The following NEGR1 variants were observed in gnomAD, a reference collection of about 807,000 sequenced individuals.
The protein encoded by NEGR1 is IgLON family member 4.
A neutral mutation model predicts 40.9 loss-of-function variants in NEGR1; 10 were observed. That is an observed-to-expected ratio of 0.24 (90% CI 0.15 to 0.42). The LOEUF (loss-of-function observed/expected upper bound fraction) is 0.42, where lower values mean the gene tolerates loss of function less well. Among genes scored for constraint, NEGR1 ranks in the 10% least tolerant of loss-of-function variants. NEGR1 has a pLI of 1.00. For missense variants in NEGR1, 352 were observed against 438.9 expected (o/e 0.80, Z 1.77); for synonymous variants, 185 against 166.8 (o/e 1.11, Z -0.84).
At chr1:71,421,124 T>G (rs1444433114) in intron 6 of NEGR1, among the ~76,000 whole-genome samples, 1 of 152,058 alleles carries the variant, frequency 6.6e-6, no homozygotes. Context: ...AAATACGTAT[T>G]GATCAAATAT....
chr1:71,943,940 C>G (rs556157216), intron 1 of NEGR1, among the ~76,000 whole-genome samples: 2 of 152,092 alleles, frequency 1.3e-5, no homozygotes, highest in South Asian at 2.1e-4. Context: ...ATGTAAAAGT[C>G]CTAAAAAAGA....
intron 6 of NEGR1, among the ~76,000 whole-genome samples, chr1:71,462,415 T>C (rs892166803): frequency 6.6e-6 from 1 of 152,140 alleles, no homozygotes; most frequent in Non-Finnish European, 1.5e-5. Context: ...AATCAAGCAC[T>C]AATAGGTGTT....
At chr1:71,813,013 A>G (rs878921974) in intron 2 of NEGR1, among the ~76,000 whole-genome samples, 1 of 152,078 alleles carries the variant, frequency 6.6e-6, no homozygotes, top group African/African-American at 2.4e-5. Flanking sequence ...CTCCATGCCT[A>G]TGTCCCGAAT....
At chr1:71,701,170 T>C (rs1320897713) in intron 3 of NEGR1, among the ~76,000 whole-genome samples, 5 of 152,066 alleles carry the variant, frequency 3.3e-5, no homozygotes, top group Non-Finnish European at 5.9e-5. Flanking sequence ...AAGTTTGTGG[T>C]AATTGGTTAT....
intron 1 of NEGR1, among the ~76,000 whole-genome samples, chr1:71,942,359 C>G (rs1467657733): frequency 1.4e-5 from 2 of 143,372 alleles, no homozygotes; most frequent in African/African-American, 5.1e-5. Flanking sequence ...ATACTTAACG[C>G]CTCTCTGAAA....
At position 71,619,766 on chromosome 1, in the gene NEGR1, T is replaced by G. The variant is rs116648631; in HGVS notation, c.668-8620A>C. On this transcript the variant is annotated intron_variant, in intron 4 of 6. Transcript: ENST00000357731. ...AATTTGCTCAGTGGGATTATTTCTT[T>G]GCATTCTTTAGCTAGTCATTTCAGG... 5.3e-3 allele frequency among the ~76,000 whole-genome samples: 799 copies of G among 152,190 alleles called. 10 individuals are homozygous for G. Among genetic ancestry groups the G allele is most frequent in the African/African-American group, 0.018 (760 of 41,552 alleles).
At chr1:72,012,787 T>G (rs895190957) in intron 1 of NEGR1, among the ~76,000 whole-genome samples, 4 of 149,714 alleles carry the variant, frequency 2.7e-5, no homozygotes, top group Non-Finnish European at 5.9e-5. Context: ...TTTGTTAACA[T>G]TAGTAATGTG....
intron 4 of NEGR1, among the ~76,000 whole-genome samples, chr1:71,684,472 G>T (rs1239998572): frequency 6.6e-6 from 1 of 152,078 alleles, no homozygotes; most frequent in African/African-American, 2.4e-5. Context: ...ACGTATGTTT[G>T]TGTGTATGTA....
At chr1:71,531,272 A>G (rs1160017340) in intron 6 of NEGR1, among the ~76,000 whole-genome samples, 1 of 151,444 alleles carries the variant, frequency 6.6e-6, no homozygotes, top group Non-Finnish European at 1.5e-5. Context: ...TTTGCATTCT[A>G]CTATTCTTTG....
intron 1 of NEGR1, among the ~76,000 whole-genome samples, chr1:71,970,847 A>C (rs1646250773): frequency 1.3e-5 from 2 of 152,216 alleles, no homozygotes; most frequent in Non-Finnish European, 2.9e-5. Context: ...ATACACATTC[A>C]AGGGGACAGA....
At chr1:71,975,475 A>G (rs570115357) in intron 1 of NEGR1, among the ~76,000 whole-genome samples, 1 of 152,334 alleles carries the variant, frequency 6.6e-6, no homozygotes, top group South Asian at 2.1e-4. Flanking sequence ...TGCCACTTCA[A>G]TGGAATGCTC....
chr1:72,003,782 G>C lies in NEGR1; in HGVS notation c.177-68471C>G, dbSNP rs528789598. Among the ~76,000 whole-genome samples, 7 of 152,180 alleles carry C rather than the reference G, an allele frequency of 4.6e-5. No individual in the cohort carries two copies. In the East Asian group the frequency reaches 1.4e-3, roughly 29 times the overall value. ...TTCCCCAGAGCCAATGCAATGTACA[G>C]AAAACCTGATATTACAATGAACGGA... On this transcript the variant is annotated intron_variant, in intron 1 of 6. Coordinates refer to ENST00000357731, the MANE Select transcript of NEGR1 (RefSeq NM_173808.3).
At chr1:71,849,628 T>C (rs906594332) in intron 2 of NEGR1, among the ~76,000 whole-genome samples, 18 of 152,266 alleles carry the variant, frequency 1.2e-4, no homozygotes, top group African/African-American at 4.3e-4. Context: ...TCAAATAGCA[T>C]TGAATACTAT....
intron 1 of NEGR1, among the ~76,000 whole-genome samples, chr1:72,132,225 A>G (rs1001023279): frequency 9.2e-5 from 14 of 152,358 alleles, no homozygotes; most frequent in African/African-American, 3.4e-4. Context: ...TAACGTTACT[A>G]TGAAGTTAGA....
chr1:71,696,234 T>G (rs1653470391), intron 4 of NEGR1, among the ~76,000 whole-genome samples: 1 of 151,758 alleles, frequency 6.6e-6, no homozygotes, highest in Admixed American at 6.6e-5. Context: ...CGGTCTAAAT[T>G]TCCTGCTTGA....
In NEGR1 at chr1:71,983,962, A is replaced by G. The variant is rs560323040; in HGVS notation, c.177-48651T>C. Among the ~76,000 whole-genome samples the G allele has an allele frequency of 1.7e-5, 2 of 117,830 alleles. 1 individual carries two copies. Among genetic ancestry groups the G allele is most frequent in the East Asian group, 1.2e-3 (2 of 1,706 alleles). 77.3% of individuals were successfully genotyped at this position (117,830 alleles called of 152,430 possible). A position where few individuals can be genotyped will look rare whatever the true frequency, so the allele number is the denominator to read the frequency against. On this transcript the variant is annotated intron_variant, in intron 1 of 6. Transcript: ENST00000357731. ...AAATTGTTCTACCAGTCATAGAATCAGAATGCTAAAGGAGTCTCAAAACTT... is the reference window on the plus strand; with the variant it reads ...AAATTGTTCTACCAGTCATAGAATCGGAATGCTAAAGGAGTCTCAAAACTT...
At chr1:71,840,926 G>A (rs1042153587) in intron 2 of NEGR1, among the ~76,000 whole-genome samples, 2 of 152,186 alleles carry the variant, frequency 1.3e-5, no homozygotes, top group African/African-American at 4.8e-5. Flanking sequence ...CCATGCAAGA[G>A]AGAACTCATG....
rs576205074 is a variant in NEGR1, at chr1:71,746,202, A to G, written c.535+29970T>C. Among the ~76,000 whole-genome samples the G allele has an allele frequency of 3.9e-5, 6 of 152,340 alleles. No homozygotes were observed. The East Asian group carries it at 1.2e-3, about 29-fold the overall frequency. ...TGTCTTTGTCACACAGGTGTTGGCC[A>G]TGACCCTTATGATGAGGAGGAAAGA... On this transcript the variant is annotated intron_variant, in intron 3 of 6. Transcript: ENST00000357731.
chr1:72,096,008 T>C (rs899169154), intron 1 of NEGR1, among the ~76,000 whole-genome samples: 1 of 152,258 alleles, frequency 6.6e-6, no homozygotes, highest in South Asian at 2.1e-4. Context: ...AGGGTATGAT[T>C]CTTAAAGTAT....
Sources: allele counts gnomAD v4.1 joint callset (sites outside exome capture counted in the v4.1 genomes callset), GRCh38; gene constraint gnomAD v4.1.1; transcripts MANE v1.5; gene names NCBI Gene and HGNC (gene_info 2026-07-23, HGNC 2026-07-21).